The following RBMS2 variants were observed in gnomAD, a reference collection of about 807,000 sequenced individuals.
The protein encoded by RBMS2 is RNA-binding motif, single-stranded-interacting protein 2.
RBMS2 carries 38 observed loss-of-function variants against 58.4 expected under a neutral mutation model. The ratio of observed to expected loss-of-function variants is 0.65; its 90% confidence interval spans 0.50 to 0.85. The LOEUF is 0.85. Ranked by LOEUF, RBMS2 falls within the 40% of genes least tolerant of loss-of-function variation. The pLI, the probability that RBMS2 is intolerant of heterozygous loss-of-function variation, is 0.00. For synonymous variants in RBMS2, 151 were observed against 180.7 expected (o/e 0.84, Z 1.32); for missense variants, 367 against 503.7 (o/e 0.73, Z 2.60).
intron 5 of RBMS2, among the ~76,000 whole-genome samples, chr12:56,580,772 A>G (rs886565192): frequency 6.6e-6 from 1 of 152,260 alleles, no homozygotes; most frequent in East Asian, 1.9e-4. Context: ...GACCTTAATT[A>G]CAACAAGGAG....
intron 1 of RBMS2, among the ~76,000 whole-genome samples, chr12:56,559,072 T>TATC (rs1405676276): frequency 1.3e-5 from 2 of 152,146 alleles, no homozygotes; most frequent in Non-Finnish European, 2.9e-5. Flanking sequence ...ACATCGTGGC[T>TATC]ATCATCATCA....
At chr12:56,567,220 A>C (rs1881490336) in intron 2 of RBMS2, among the ~76,000 whole-genome samples, 1 of 151,984 alleles carries the variant, frequency 6.6e-6, no homozygotes, top group Admixed American at 6.6e-5. Flanking sequence ...CCTCGTCTCT[A>C]GTAAAAATGT....
At chr12:56,530,350 C>CTTTTT (rs71081373) in intron 1 of RBMS2, among the ~76,000 whole-genome samples, 3 of 63,774 alleles carry the variant, frequency 4.7e-5, no homozygotes, top group African/African-American at 9.9e-5. Context: ...TTTCTTTTTC[C>CTTTTT]TTTTTTTTTT....
chr12:56,528,272 G>A (rs1476314376), intron 1 of RBMS2, among the ~76,000 whole-genome samples: 2 of 151,142 alleles, frequency 1.3e-5, no homozygotes, highest in Non-Finnish European at 2.9e-5. Flanking sequence ...AAAGTCAAGT[G>A]TGCAAATCAT....
At position 56,572,751 on chromosome 12, in the gene RBMS2, G is replaced by A. The variant is rs976211036; in HGVS notation, c.542+896G>A. 8.1e-6 allele frequency: 8 copies of A among 982,594 alleles called. No homozygotes were observed. The Admixed American group carries it at 4.9e-4, about 60-fold the overall frequency. The allele number at this position is 982,594 out of a possible 1,614,324, so 60.9% of individuals were successfully genotyped here. A position where few individuals can be genotyped will look rare whatever the true frequency, so the allele number is the denominator to read the frequency against. On this transcript the variant is annotated intron_variant, in intron 5 of 13. Coordinates refer to ENST00000262031, the MANE Select transcript of RBMS2 (RefSeq NM_002898.4). ...AGCCCTGATCCTTCTGGCTTTGAGA[G>A]CAGTAGGATGAGGTAGAAGTTTTGA... is the stretch of plus-strand genomic sequence containing the variant.
intron 1 of RBMS2, among the ~76,000 whole-genome samples, chr12:56,537,775 C>G (rs564048262): frequency 6.6e-6 from 1 of 151,744 alleles, no homozygotes; most frequent in South Asian, 2.1e-4. Context: ...TTTCAGGAAC[C>G]ACTGTCCTGT....
In RBMS2 at chr12:56,586,927, G is replaced by C; in HGVS notation, c.951+1G>C. The stretch of plus-strand genomic sequence containing the variant: ...CCATTCATACCTCATGCAGCCTTCA[G>C]TGAGTATTCAGAAGTGGGCAGAAGC... On this transcript the variant is annotated splice_donor_variant, in intron 10 of 13. Transcript: ENST00000262031. LOFTEE classifies it high-confidence loss of function. The C allele has an allele frequency of 6.2e-7, 1 of 1,612,004 alleles. No individual in the cohort carries two copies. The highest frequency in any genetic ancestry group is 8.5e-7 in the Non-Finnish European group (1 of 1,178,104).
chr12:56,526,619 T>G (rs1455625679), intron 1 of RBMS2, among the ~76,000 whole-genome samples: 16 of 149,322 alleles, frequency 1.1e-4, no homozygotes, highest in African/African-American at 2.4e-4. Flanking sequence ...ATTTTGTGTT[T>G]TTTTTTTTTT....
At chr12:56,544,144 C>T (rs1209725032) in intron 1 of RBMS2, among the ~76,000 whole-genome samples, 3 of 151,894 alleles carry the variant, frequency 2.0e-5, no homozygotes, top group Non-Finnish European at 4.4e-5. Flanking sequence ...GGCGTGGTGT[C>T]GCATGCCTGT....
intron 13 of RBMS2, 32 bp downstream of exon 13, chr12:56,589,050 C>T (rs778001587): frequency 6.2e-7 from 1 of 1,613,778 alleles, no homozygotes; most frequent in South Asian, 1.1e-5. Flanking sequence ...GCAGGGAGGG[C>T]TGCACTGGCA....
intron 2 of RBMS2, among the ~76,000 whole-genome samples, chr12:56,565,170 T>C (rs1881123226): frequency 6.6e-6 from 1 of 152,184 alleles, no homozygotes. Flanking sequence ...GTTTAGGGAA[T>C]AATGACAAGA....
At chr12:56,541,810 AAAG>A (rs1444978800) in intron 1 of RBMS2, among the ~76,000 whole-genome samples, 13 of 152,148 alleles carry the variant, frequency 8.5e-5, no homozygotes, top group Non-Finnish European at 1.2e-4. Flanking sequence ...TCAAAATAGG[AAAG>A]AAGGAGCTGT....
rs1429365640 is a variant in RBMS2, at chr12:56,591,428, A to G, written c.*2295A>G. On this transcript the variant is annotated 3_prime_UTR_variant, in exon 14 of 14. Coordinates refer to ENST00000262031, the MANE Select transcript of RBMS2 (RefSeq NM_002898.4). ...GTAGGATATAAAGCGTAAAGGACAAATTGCCGCAGTCTTCTAATTGATGCT... is the reference window on the plus strand; with the variant it reads ...GTAGGATATAAAGCGTAAAGGACAAGTTGCCGCAGTCTTCTAATTGATGCT... The G allele has an allele frequency of 6.6e-6, 1 of 152,130 alleles. No individual in the cohort carries two copies. Among genetic ancestry groups the G allele is most frequent in the Non-Finnish European group, 1.5e-5 (1 of 68,054 alleles). 9.4% of individuals were successfully genotyped at this position (152,130 alleles called of 1,614,324 possible). A position where few individuals can be genotyped will look rare whatever the true frequency, so the allele number is the denominator to read the frequency against.
chr12:56,530,187 C>T (rs761290029), intron 1 of RBMS2, among the ~76,000 whole-genome samples: 7 of 151,796 alleles, frequency 4.6e-5, no homozygotes, highest in African/African-American at 7.3e-5. Context: ...GGATTACAGG[C>T]GTGAGCCACT....
At chr12:56,559,466 G>A (rs1318989588) in intron 1 of RBMS2, among the ~76,000 whole-genome samples, 1 of 151,088 alleles carries the variant, frequency 6.6e-6, no homozygotes, top group Admixed American at 6.6e-5. Context: ...GATTACAGAC[G>A]TGAGCCACCG....
In RBMS2 at chr12:56,559,220, C is replaced by T. The variant is rs1347016081; in HGVS notation, c.67-3197C>T. On this transcript the variant is annotated intron_variant, in intron 1 of 13. Transcript: ENST00000262031. ...TTGGAGACAGAGTCTCGCTCTGTTGCCCAGGCTGGAGTGCAGTGGCACAAT... is the reference window on the plus strand; with the variant it reads ...TTGGAGACAGAGTCTCGCTCTGTTGTCCAGGCTGGAGTGCAGTGGCACAAT... Among the ~76,000 whole-genome samples the T allele has an allele frequency of 1.3e-5, 2 of 151,606 alleles. 1 individual carries two copies. Among genetic ancestry groups the T allele is most frequent in the Non-Finnish European group, 2.9e-5 (2 of 67,958 alleles).
In RBMS2 at chr12:56,589,812, C is replaced by A. The variant is rs1444774490; in HGVS notation, c.*679C>A. On this transcript the variant is annotated 3_prime_UTR_variant, in exon 14 of 14. Coordinates refer to ENST00000262031, the MANE Select transcript of RBMS2 (RefSeq NM_002898.4). Reference sequence around the variant, plus strand: ...GCCTGCCTACTTTGCCCTTTTACAGCTTTTAATTTTATGGATTTTTAAAAA... The same window carrying A: ...GCCTGCCTACTTTGCCCTTTTACAGATTTTAATTTTATGGATTTTTAAAAA... 3 of 152,616 alleles carry A rather than the reference C, an allele frequency of 2.0e-5. No homozygotes were observed. The highest frequency in any genetic ancestry group is 6.6e-5 in the Admixed American group (1 of 15,264). The allele number at this position is 152,616 out of a possible 1,614,324, so 9.5% of individuals were successfully genotyped here.
intron 2 of RBMS2, among the ~76,000 whole-genome samples, chr12:56,562,850 C>T (rs1403060214): frequency 6.6e-6 from 1 of 152,104 alleles, no homozygotes; most frequent in Admixed American, 6.6e-5. Context: ...TGGCCGGGTG[C>T]GGTGGCTCAT....
Position 56,587,534 on chromosome 12 carries a change from T to C in RBMS2, c.952-20T>C. The C allele has an allele frequency of 6.2e-7, 1 of 1,611,828 alleles. No individual in the cohort carries two copies. Among genetic ancestry groups the C allele is most frequent in the Non-Finnish European group, 8.5e-7 (1 of 1,178,728 alleles). The stretch of plus-strand genomic sequence containing the variant: ...TCACAGGATGCTGCAGCTAACCCTG[T>C]CCTTTGTTGCTGCCTCTAGGGTTCA... On this transcript the variant is annotated intron_variant, in intron 10 of 13. Coordinates refer to ENST00000262031, the MANE Select transcript of RBMS2 (RefSeq NM_002898.4).
Sources: allele counts gnomAD v4.1 joint callset (sites outside exome capture counted in the v4.1 genomes callset), GRCh38; gene constraint gnomAD v4.1.1; transcripts MANE v1.5; gene names NCBI Gene and HGNC (gene_info 2026-07-23, HGNC 2026-07-21).